The following TMEM108 variants were observed in gnomAD, a reference collection of about 807,000 sequenced individuals.
The protein encoded by TMEM108 is transmembrane protein 108.
Under a neutral mutation model 35.1 loss-of-function variants are expected in TMEM108, and 12 were observed. The ratio of observed to expected loss-of-function variants is 0.34; its 90% CI spans 0.22 to 0.55. TMEM108 has a LOEUF of 0.55. Among genes scored for constraint, TMEM108 ranks in the 20% least tolerant of loss-of-function variants. The pLI is 0.89. For synonymous variants in TMEM108, 287 were observed against 308.6 expected, an observed-to-expected ratio of 0.93 and a Z score of 0.73; for missense variants, 680 against 753.3, an observed-to-expected ratio of 0.90 and a Z score of 1.14.
chr3:133,080,210 G>T (rs1385381628), intron 2 of TMEM108, among the ~76,000 whole-genome samples: 1 of 152,116 alleles, frequency 6.6e-6, no homozygotes, highest in Non-Finnish European at 1.5e-5. Flanking sequence ...AGGGATAATG[G>T]CAGGATGTCC....
At chr3:133,297,146 T>C (rs759883944) in intron 3 of TMEM108, among the ~76,000 whole-genome samples, 3 of 152,234 alleles carry the variant, frequency 2.0e-5, no homozygotes, top group Non-Finnish European at 4.4e-5. Context: ...TCACGCAAAT[T>C]TAATTCAGAG....
At chr3:133,267,750 A>G (rs1263423913) in intron 3 of TMEM108, among the ~76,000 whole-genome samples, 1 of 152,170 alleles carries the variant, frequency 6.6e-6, no homozygotes, top group Non-Finnish European at 1.5e-5. Context: ...TCTTTTACTC[A>G]TGTTGCAATG....
chr3:133,227,442 C>T (rs1315571059), intron 2 of TMEM108, among the ~76,000 whole-genome samples: 2 of 150,104 alleles, frequency 1.3e-5, no homozygotes, highest in Non-Finnish European at 3.0e-5. Flanking sequence ...ATCCGCCCGC[C>T]TCGGCCTCCC....
chr3:133,138,875 T>C lies in TMEM108; in HGVS notation c.-46-90391T>C, dbSNP rs117152869. On this transcript the variant is annotated intron_variant, in intron 2 of 5. Coordinates refer to ENST00000321871, the MANE Select transcript of TMEM108 (RefSeq NM_023943.4). ...GTTTGTGGCACCCATCAACCCGTGTTCATCTACATTAGATATTTGTCCTAA... is the reference window on the plus strand; with the variant it reads ...GTTTGTGGCACCCATCAACCCGTGTCCATCTACATTAGATATTTGTCCTAA... Among the ~76,000 whole-genome samples, 28 of 152,170 alleles carry C rather than the reference T, an allele frequency of 1.8e-4. No homozygotes were observed. The East Asian group carries it at 5.2e-3, about 28-fold the overall frequency.
At chr3:133,320,286 G>A (rs1576453922) in intron 3 of TMEM108, among the ~76,000 whole-genome samples, 1 of 151,582 alleles carries the variant, frequency 6.6e-6, no homozygotes, top group African/African-American at 2.4e-5. Flanking sequence ...AATATATACA[G>A]GATATGGATA....
At chr3:133,186,537 A>T (rs1260534763) in intron 2 of TMEM108, among the ~76,000 whole-genome samples, 1 of 152,212 alleles carries the variant, frequency 6.6e-6, no homozygotes, top group African/African-American at 2.4e-5. Context: ...ATCAAAACCC[A>T]GTTTAAAACT....
At chr3:133,195,787 A>G (rs1301655742) in intron 2 of TMEM108, among the ~76,000 whole-genome samples, 3 of 152,196 alleles carry the variant, frequency 2.0e-5, no homozygotes, top group Admixed American at 1.3e-4. Context: ...TTGCTAATAA[A>G]GTGGGAAAAT....
intron 3 of TMEM108, among the ~76,000 whole-genome samples, chr3:133,326,112 AC>A (rs1559905394): frequency 2.0e-5 from 3 of 152,202 alleles, no homozygotes; most frequent in Admixed American, 1.3e-4. Context: ...AAAAAGTAAA[AC>A]AAAAAAACAC....
At chr3:133,186,283 A>C (rs1335379923) in intron 2 of TMEM108, among the ~76,000 whole-genome samples, 2 of 152,198 alleles carry the variant, frequency 1.3e-5, no homozygotes, top group Non-Finnish European at 2.9e-5. Context: ...CACATTCTTG[A>C]ATCTTACTTT....
chr3:133,208,147 C>G (rs1945785441), intron 2 of TMEM108, among the ~76,000 whole-genome samples: 1 of 152,158 alleles, frequency 6.6e-6, no homozygotes, highest in Non-Finnish European at 1.5e-5. Context: ...TCCTGGAGAG[C>G]TTGTTGAAGC....
intron 3 of TMEM108, among the ~76,000 whole-genome samples, chr3:133,328,477 C>T (rs968860657): frequency 7.9e-5 from 12 of 152,210 alleles, no homozygotes; most frequent in African/African-American, 2.4e-4. Flanking sequence ...TTCTGCAAGT[C>T]ACCAAAGTAC....
chr3:133,342,305 C>T (rs1006358445), intron 3 of TMEM108, among the ~76,000 whole-genome samples: 15 of 150,718 alleles, frequency 1.0e-4, no homozygotes, highest in East Asian at 7.8e-4. Context: ...CTAGTACAAC[C>T]GGGTGACTCT....
intron 3 of TMEM108, among the ~76,000 whole-genome samples, chr3:133,236,093 A>C (rs1946232606): frequency 6.6e-6 from 1 of 152,154 alleles, no homozygotes; most frequent in African/African-American, 2.4e-5. Flanking sequence ...TATCTATTCA[A>C]ATCAGAATAG....
At chr3:133,349,474 T>C (rs2071925560) in intron 3 of TMEM108, among the ~76,000 whole-genome samples, 1 of 151,946 alleles carries the variant, frequency 6.6e-6, no homozygotes, top group Non-Finnish European at 1.5e-5. Flanking sequence ...CTAATAAACA[T>C]TTGCACAGCA....
chr3:133,264,304 CA>C (rs5852741), intron 3 of TMEM108, among the ~76,000 whole-genome samples: 17 of 148,542 alleles, frequency 1.1e-4, no homozygotes, highest in East Asian at 5.9e-4. Context: ...GACTGAGTCT[CA>C]AAAAAAAAAA....
intron 3 of TMEM108, among the ~76,000 whole-genome samples, chr3:133,261,740 G>T (rs1946627912): frequency 6.6e-6 from 1 of 152,210 alleles, no homozygotes; most frequent in African/African-American, 2.4e-5. Flanking sequence ...AAGAAGCCAT[G>T]GTGGCTTTCT....
chr3:133,089,253 A>G (rs988535583), intron 2 of TMEM108, among the ~76,000 whole-genome samples: 3 of 152,198 alleles, frequency 2.0e-5, no homozygotes, highest in Non-Finnish European at 2.9e-5. Context: ...GATCCAAACC[A>G]TATCACCTTG....
At chr3:133,320,663 C>A (rs3860497) in intron 3 of TMEM108, among the ~76,000 whole-genome samples, 48,795 of 151,984 alleles carry the variant, frequency 0.32, 8,572 homozygotes, top group East Asian at 0.48. Context: ...ACAAGAAGCT[C>A]GAAGGAAACC....
At chr3:133,344,513 A>C (rs1266285384) in intron 3 of TMEM108, among the ~76,000 whole-genome samples, 1 of 151,848 alleles carries the variant, frequency 6.6e-6, no homozygotes, top group African/African-American at 2.4e-5. Flanking sequence ...TTCATCTTTT[A>C]ATAAGGAAGA....
Sources: gnomAD v4.1 joint callset for allele counts (sites outside exome capture counted in the v4.1 genomes callset) on GRCh38, gnomAD v4.1.1 for gene constraint, MANE v1.5 for transcripts, NCBI Gene and HGNC (gene_info 2026-07-23, HGNC 2026-07-21) for gene names.